MTHFD1L: variants seen among roughly 807,000 people sequenced by gnomAD.
MTHFD1L encodes the protein methylenetetrahydrofolate dehydrogenase (NADP+ dependent) 1 like, also known as monofunctional C1-tetrahydrofolate synthase, mitochondrial.
A neutral mutation model predicts 119.5 loss-of-function variants in MTHFD1L; 81 were observed. The ratio of observed to expected loss-of-function variants is 0.68; its 90% confidence interval spans 0.57 to 0.82. The LOEUF (loss-of-function observed/expected upper bound fraction) is 0.82. MTHFD1L is among the 40% of genes least tolerant of loss of function. MTHFD1L has a pLI of 0.00. For synonymous variants in MTHFD1L, 430 were observed against 475.2 expected, an observed-to-expected ratio of 0.90 and a Z score of 1.24; for missense variants, 1,125 against 1,253.4, an observed-to-expected ratio of 0.90 and a Z score of 1.55.
At chr6:151,058,919 AC>A (rs1389714991) in intron 26 of MTHFD1L, among the ~76,000 whole-genome samples, 2 of 151,718 alleles carry the variant, frequency 1.3e-5, no homozygotes, top group African/African-American at 4.8e-5. Context: ...TCAGGTGATC[AC>A]CCCGTGTCAG....
rs746589557 is a variant in MTHFD1L at position 150,994,064 on chromosome 6, T to TAAA, written c.2126-15741_2126-15739dup. 3.3e-3 allele frequency among the ~76,000 whole-genome samples: 244 copies of TAAA among 74,124 alleles called. 3 individuals carry two copies. The highest frequency in any genetic ancestry group is 0.014 in the African/African-American group (177 of 13,070). The allele number at this position is 74,124 out of a possible 152,430, so 48.6% of individuals were successfully genotyped here. A position where few individuals can be genotyped will look rare whatever the true frequency, so the allele number is the denominator to read the frequency against. On this transcript the variant is annotated intron_variant, in intron 20 of 27. Transcript: ENST00000367321. ...TTTTACCCACAAATAACAACAACAG[T>TAAA]AAAAAAAAAAAAAAAAGAAAGAAAG...
At chr6:150,883,018 T>C in intron 5 of MTHFD1L, 132 bp downstream of exon 5, 2 of 981,026 alleles carry the variant, frequency 2.0e-6, no homozygotes, top group East Asian at 3.3e-5. Flanking sequence ...TCATTTTAAA[T>C]ATTTCAGGAG....
At chr6:150,906,662 T>G (rs1033345584) in intron 8 of MTHFD1L, among the ~76,000 whole-genome samples, 1 of 152,170 alleles carries the variant, frequency 6.6e-6, no homozygotes. Flanking sequence ...CTTTTATCCC[T>G]AAAGCTGGGC....
At position 151,033,350 on chromosome 6, in the gene MTHFD1L, C is replaced by A. The variant is rs983084203; in HGVS notation, c.2587-1143C>A. Among the ~76,000 whole-genome samples the A allele has an allele frequency of 1.1e-4, 16 of 152,116 alleles. 1 individual carries two copies. The highest frequency in any genetic ancestry group is 4.4e-5 in the Non-Finnish European group (3 of 68,028). On this transcript the variant is annotated intron_variant, in intron 24 of 27. Transcript: ENST00000367321. ...GGCCACGCTGATCTTGAACACCTGA[C>A]CTCAAGTGATCCACCCACCTCAGCC...
chr6:151,024,602 G>A (rs1483437219), intron 24 of MTHFD1L, among the ~76,000 whole-genome samples: 1 of 152,108 alleles, frequency 6.6e-6, no homozygotes, highest in Non-Finnish European at 1.5e-5. Context: ...ACTGAGGCGG[G>A]CAGATCACTT....
intron 8 of MTHFD1L, among the ~76,000 whole-genome samples, chr6:150,916,200 T>G (rs1459393838): frequency 6.6e-6 from 1 of 152,098 alleles, no homozygotes; most frequent in Non-Finnish European, 1.5e-5. Flanking sequence ...TAGAAATATT[T>G]CTTTTCTCTA....
chr6:150,908,051 C>A (rs1416561374), intron 8 of MTHFD1L, among the ~76,000 whole-genome samples: 1 of 150,136 alleles, frequency 6.7e-6, no homozygotes, highest in Admixed American at 6.6e-5. Context: ...GTCCCTGTCA[C>A]CACGCCTGGC....
chr6:151,099,265 C>G (rs1335195001), intron 27 of MTHFD1L, among the ~76,000 whole-genome samples: 1 of 151,944 alleles, frequency 6.6e-6, no homozygotes, highest in Admixed American at 6.6e-5. Context: ...ATCAGCTGGT[C>G]TTCCACCACC....
In MTHFD1L at chr6:151,066,363, G is replaced by A. The variant is rs192911826; in HGVS notation, c.2848-26104G>A. ...GAGGCAGGGGAATGGTGTGAACCCA[G>A]GAGGCAGAGCTTGCAAGTGAGCTGA... On this transcript the variant is annotated intron_variant, in intron 26 of 27. Coordinates refer to ENST00000367321, the MANE Select transcript of MTHFD1L (RefSeq NM_015440.5). Among the ~76,000 whole-genome samples, 941 of 148,334 alleles carry A rather than the reference G, an allele frequency of 6.3e-3. 9 individuals carry two copies. The highest frequency in any genetic ancestry group is 0.022 in the African/African-American group (888 of 39,952).
In MTHFD1L at chr6:150,926,381, T is replaced by C. The variant is rs1789988473; in HGVS notation, c.1256+86T>C. On this transcript the variant is annotated intron_variant, in intron 11 of 27. Coordinates refer to ENST00000367321, the MANE Select transcript of MTHFD1L (RefSeq NM_015440.5). This position sits in a 1 kb window ranked among gnomAD's most constrained non-coding sequence, Gnocchi z 4.3. Reference sequence around the variant, plus strand: ...TTATCTCTCTCCTCGTACCCCTCAATCCATCCTATTCTCACATTTGACATT... The same window carrying C: ...TTATCTCTCTCCTCGTACCCCTCAACCCATCCTATTCTCACATTTGACATT... 5 of 1,147,264 alleles carry C rather than the reference T, an allele frequency of 4.4e-6. No individual in the cohort carries two copies. Among genetic ancestry groups the C allele is most frequent in the South Asian group, 3.2e-5 (2 of 62,094 alleles). The allele number at this position is 1,147,264 out of a possible 1,614,324, so 71.1% of individuals were successfully genotyped here.
chr6:150,946,044 C>T (rs1050093144), intron 15 of MTHFD1L, among the ~76,000 whole-genome samples: 1 of 152,142 alleles, frequency 6.6e-6, no homozygotes, highest in Non-Finnish European at 1.5e-5. Context: ...TTTGGTGAGT[C>T]CTTCTCTTTC....
intron 11 of MTHFD1L, among the ~76,000 whole-genome samples, chr6:150,934,141 C>T (rs1562407679): frequency 1.3e-5 from 2 of 152,200 alleles, no homozygotes; most frequent in Non-Finnish European, 2.9e-5. Context: ...TGCCTCCCAG[C>T]TCTACTGCTT....
chr6:151,007,789 T>A (rs747855158), intron 20 of MTHFD1L, among the ~76,000 whole-genome samples: 39 of 152,164 alleles, frequency 2.6e-4, no homozygotes, highest in Non-Finnish European at 4.6e-4. Flanking sequence ...GAGGTAAGGA[T>A]TGTTACTGTA....
intron 8 of MTHFD1L, among the ~76,000 whole-genome samples, chr6:150,914,170 G>C (rs1367508688): frequency 1.3e-5 from 2 of 152,098 alleles, no homozygotes; most frequent in Non-Finnish European, 2.9e-5. Context: ...TGTGGCATGC[G>C]CCTGTAGTCC....
chr6:151,012,409 G>T (rs1051463020), intron 21 of MTHFD1L, among the ~76,000 whole-genome samples: 1 of 151,616 alleles, frequency 6.6e-6, no homozygotes, highest in African/African-American at 2.4e-5. Context: ...CAAATACTGC[G>T]CTGGGATCGA....
chr6:151,041,640 G>A, intron 26 of MTHFD1L: 1 of 369,080 alleles, frequency 2.7e-6, no homozygotes, highest in Non-Finnish European at 5.5e-6. Flanking sequence ...AGGGCCATCA[G>A]CCCCACAGCT....
chr6:151,057,822 A>G (rs1790164013), intron 26 of MTHFD1L, among the ~76,000 whole-genome samples: 1 of 152,168 alleles, frequency 6.6e-6, no homozygotes, highest in African/African-American at 2.4e-5. Context: ...TCTGTGGCCC[A>G]GGCTGGAGTG....
intron 20 of MTHFD1L, among the ~76,000 whole-genome samples, chr6:151,005,004 T>C (rs569326858): frequency 6.4e-4 from 97 of 151,640 alleles, no homozygotes; most frequent in Non-Finnish European, 3.8e-4. Context: ...CAAGTCTATA[T>C]TGAATTTAAC....
chr6:151,097,985 G>A (rs760537456), intron 27 of MTHFD1L, among the ~76,000 whole-genome samples: 1 of 152,004 alleles, frequency 6.6e-6, no homozygotes, highest in Non-Finnish European at 1.5e-5. Context: ...ACCAGCCTGG[G>A]AAACATGGCA....
Sources: gnomAD v4.1 joint callset for allele counts (sites outside exome capture counted in the v4.1 genomes callset) on GRCh38, gnomAD v4.1.1 for gene constraint, Gnocchi (gnomAD v3.1) non-coding constraint, MANE v1.5 for transcripts, NCBI Gene and HGNC (gene_info 2026-07-23, HGNC 2026-07-21) for gene names.